MYO1B: variants seen among roughly 807,000 people sequenced by gnomAD.
MYO1B encodes myosin IB.
MYO1B carries 72 observed loss-of-function variants against 159.7 expected under a neutral mutation model. The ratio of observed to expected loss-of-function variants is 0.45; its 90% CI spans 0.37 to 0.55. MYO1B has a LOEUF of 0.55. MYO1B is among the 20% of genes least tolerant of loss of function. The pLI, the probability that MYO1B is intolerant of heterozygous loss-of-function variation, is 0.00. For synonymous variants in MYO1B, 468 were observed against 473.8 expected (o/e 0.99, Z 0.16); for missense variants, 1,062 against 1,364.8 (o/e 0.78, Z 3.50).
chr2:191,417,749 A>T (rs148883214), intron 30 of MYO1B, among the ~76,000 whole-genome samples: 1 of 152,372 alleles, frequency 6.6e-6, no homozygotes, highest in East Asian at 1.9e-4. Flanking sequence ...ATGGAAATTT[A>T]AAATCTTTCT....
At chr2:191,291,397 G>C (rs1428387818) in intron 2 of MYO1B, among the ~76,000 whole-genome samples, 1 of 152,210 alleles carries the variant, frequency 6.6e-6, no homozygotes, top group Non-Finnish European at 1.5e-5. Context: ...CTTGCTATCT[G>C]TATGTGCCAA....
At chr2:191,401,515 AT>A (rs1386823898) in intron 23 of MYO1B, 1 of 152,194 alleles carries the variant, frequency 6.6e-6, no homozygotes, top group Admixed American at 6.5e-5. Flanking sequence ...CTCTGTGAAC[AT>A]TTCACATACC....
chr2:191,400,138 C>T (rs1696514806), intron 21 of MYO1B, among the ~76,000 whole-genome samples: 1 of 152,118 alleles, frequency 6.6e-6, no homozygotes, highest in Non-Finnish European at 1.5e-5. Context: ...CAGATTTTTC[C>T]CATTGTGTAT....
intron 30 of MYO1B, among the ~76,000 whole-genome samples, chr2:191,418,204 C>G (rs993790665): frequency 1.3e-5 from 2 of 152,158 alleles, no homozygotes; most frequent in Non-Finnish European, 2.9e-5. Flanking sequence ...AGGTAAGGAT[C>G]GTAAATCTCC....
chr2:191,411,016 AATTT>A, intron 26 of MYO1B, 46 bp from the exon 27 acceptor site: 1 of 1,062,118 alleles, frequency 9.4e-7, no homozygotes, highest in East Asian at 2.5e-5. Flanking sequence ...AATGAGTAAT[AATTT>A]ATTTATATAA....
intron 24 of MYO1B, among the ~76,000 whole-genome samples, chr2:191,406,167 C>T (rs1696905956): frequency 6.6e-6 from 1 of 152,218 alleles, no homozygotes; most frequent in African/African-American, 2.4e-5. Context: ...TCACCTCTCT[C>T]AGCCTTCTTG....
intron 2 of MYO1B, among the ~76,000 whole-genome samples, chr2:191,289,241 A>G (rs956563465): frequency 2.0e-5 from 3 of 152,232 alleles, no homozygotes; most frequent in Admixed American, 2.0e-4. Flanking sequence ...TGTGCAACAC[A>G]AGTTTCCTCC....
At chr2:191,292,781 G>A (rs1333764033) in intron 2 of MYO1B, among the ~76,000 whole-genome samples, 1 of 152,124 alleles carries the variant, frequency 6.6e-6, no homozygotes, top group African/African-American at 2.4e-5. Context: ...TTACATAGGT[G>A]TATCAGTTAC....
At chr2:191,263,799 A>T (rs1686961971) in intron 1 of MYO1B, 1 of 152,198 alleles carries the variant, frequency 6.6e-6, no homozygotes, top group African/African-American at 2.4e-5. Flanking sequence ...TCCTTATATA[A>T]ATATATGAAG....
intron 3 of MYO1B, among the ~76,000 whole-genome samples, chr2:191,297,355 A>G (rs1689045368): frequency 6.6e-6 from 1 of 152,238 alleles, no homozygotes; most frequent in Non-Finnish European, 1.5e-5. Flanking sequence ...TTGATGCAGC[A>G]TAACATCTTT....
intron 11 of MYO1B, among the ~76,000 whole-genome samples, chr2:191,365,247 T>G (rs779871710): frequency 2.0e-5 from 3 of 152,208 alleles, no homozygotes; most frequent in Non-Finnish European, 2.9e-5. Flanking sequence ...GGACTTCCAC[T>G]CAGGCCCCCA....
At chr2:191,321,042 A>G (rs887036470) in intron 3 of MYO1B, among the ~76,000 whole-genome samples, 7 of 151,734 alleles carry the variant, frequency 4.6e-5, no homozygotes, top group African/African-American at 1.7e-4. Flanking sequence ...TTTACATTTG[A>G]CTCTTGTAAA....
intron 7 of MYO1B, among the ~76,000 whole-genome samples, chr2:191,357,334 A>G (rs1353626266): frequency 6.6e-6 from 1 of 152,146 alleles, no homozygotes; most frequent in Non-Finnish European, 1.5e-5. Flanking sequence ...GAAAGCCCCT[A>G]CATAACGGCC....
At chr2:191,281,004 C>T (rs6732976) in intron 2 of MYO1B, among the ~76,000 whole-genome samples, 66,016 of 152,078 alleles carry the variant, frequency 0.43, 14,503 homozygotes, top group Middle Eastern at 0.53. Flanking sequence ...GGAGCATGGT[C>T]GAAGTCCTGC....
intron 4 of MYO1B, among the ~76,000 whole-genome samples, chr2:191,335,965 C>T (rs1050734789): frequency 6.6e-6 from 1 of 152,076 alleles, no homozygotes; most frequent in African/African-American, 2.4e-5. Flanking sequence ...TTCATCAGAC[C>T]TCATAAAAGT....
intron 1 of MYO1B, among the ~76,000 whole-genome samples, chr2:191,254,454 C>G (rs1223927858): frequency 6.6e-6 from 1 of 152,024 alleles, no homozygotes; most frequent in Non-Finnish European, 1.5e-5. Flanking sequence ...AGGTGATCCA[C>G]CCACCTTGGC....
chr2:191,326,815 T>TCAC (rs1691122422), intron 3 of MYO1B, among the ~76,000 whole-genome samples: 2 of 143,880 alleles, frequency 1.4e-5, no homozygotes, highest in Non-Finnish European at 3.0e-5. Context: ...TGTGTGTGTG[T>TCAC]GCGCGCGCCA....
At chr2:191,421,781 TG>T (rs1021933632) in intron 30 of MYO1B, among the ~76,000 whole-genome samples, 1 of 152,242 alleles carries the variant, frequency 6.6e-6, no homozygotes, top group African/African-American at 2.4e-5. Context: ...CAGCCACAAG[TG>T]GTCTTTGAAA....
intron 11 of MYO1B, among the ~76,000 whole-genome samples, chr2:191,366,744 A>G (rs1277260290): frequency 1.3e-5 from 2 of 151,794 alleles, no homozygotes; most frequent in Non-Finnish European, 2.9e-5. Context: ...CGACCTGCCT[A>G]TCACCCCCCA....
Sources: gnomAD v4.1 joint callset for allele counts (sites outside exome capture counted in the v4.1 genomes callset) on GRCh38, gnomAD v4.1.1 for gene constraint, MANE v1.5 for transcripts, NCBI Gene and HGNC (gene_info 2026-07-23, HGNC 2026-07-21) for gene names.